Variants in TAGLN observed in about 807,000 individuals in gnomAD.
TAGLN encodes the protein 22 kDa actin-binding protein.
Under a neutral mutation model 21.9 loss-of-function variants are expected in TAGLN, and 16 were observed. That is an observed-to-expected ratio of 0.73 (90% CI 0.49 to 1.11). The LOEUF is 1.11. TAGLN is among the 50% of genes least tolerant of loss of function. The probability of loss-of-function intolerance (pLI) is 0.00; values close to 1 mark genes in which losing one functional copy is unlikely to be tolerated. For synonymous variants in TAGLN, 96 were observed against 94.9 expected (o/e 1.01, Z -0.06); for missense variants, 248 against 263.2 (o/e 0.94, Z 0.40).
chr11:117,203,218 G>A lies in TAGLN; in HGVS notation c.180+25G>A, dbSNP rs774295976. 19 of 1,591,568 alleles carry A rather than the reference G, an allele frequency of 1.2e-5. No homozygotes were observed. Among genetic ancestry groups the A allele is most frequent in the Non-Finnish European group, 1.5e-5 (18 of 1,165,508 alleles). ...GGTGAGTGGCACCCTGGGCTAGGGC[G>A]CTGGGGGGCTGGGGTGTGCCACCCT... On this transcript the variant is annotated intron_variant, in intron 2 of 4. Coordinates refer to ENST00000392951, the MANE Select transcript of TAGLN (RefSeq NM_003186.5). The surrounding 1 kb of genome is among the most constrained non-coding windows in gnomAD (Gnocchi z 4.4).
At position 117,204,557 on chromosome 11, in the gene TAGLN, G is replaced by A. The variant is rs904435289; in HGVS notation, c.*198G>A. On this transcript the variant is annotated 3_prime_UTR_variant, in exon 5 of 5. Transcript: ENST00000392951. ...CCTCAGCCCAACTTCTTACCCGAAA[G>A]CATCACTGCCTTGGCCCCTCCCTCC... 6 of 804,070 alleles carry A rather than the reference G, an allele frequency of 7.5e-6. No homozygotes were observed. Among genetic ancestry groups the A allele is most frequent in the Non-Finnish European group, 1.2e-5 (6 of 485,182 alleles). 49.8% of individuals were successfully genotyped at this position (804,070 alleles called of 1,614,324 possible). A position where few individuals can be genotyped will look rare whatever the true frequency, so the allele number is the denominator to read the frequency against.
chr11:117,203,840 C>G lies in TAGLN; in HGVS notation c.417C>G (p.Thr139=), dbSNP rs1565295565. The change falls in exon 4 of 5, where the codon ACC becomes ACG. Residue 139 remains threonine (T), a synonymous_variant. Coordinates refer to ENST00000392951, the MANE Select transcript of TAGLN (RefSeq NM_003186.5). The surrounding 1 kb of genome is among the most constrained non-coding windows in gnomAD (Gnocchi z 4.4). The stretch of plus-strand genomic sequence containing the variant: ...TGGCTTTGGGCAGCTTGGCAGTGAC[C>G]AAGAATGATGGGCACTACCGTGGAG... ...TLMALGSLAV[T]KNDGHYRGDP... 4 of 1,614,040 alleles carry G rather than the reference C, an allele frequency of 2.5e-6. No individual in the cohort carries two copies. The highest frequency in any genetic ancestry group is 4.5e-5 in the East Asian group (2 of 44,874).
Position 117,207,362 on chromosome 11 carries a change from T to C in TAGLN, c.*3003T>C. ...AGGGATGGAAAGGGTTGAAAGGCTGTACTCCAAAGCAGAGTCTTGCTTTTC... is the reference window on the plus strand; with the variant it reads ...AGGGATGGAAAGGGTTGAAAGGCTGCACTCCAAAGCAGAGTCTTGCTTTTC... On this transcript the variant is annotated 3_prime_UTR_variant, in exon 5 of 5. Coordinates refer to ENST00000392951, the MANE Select transcript of TAGLN (RefSeq NM_003186.5). 2.0e-6 allele frequency: 1 copy of C among 489,900 alleles called. No homozygotes were observed. Among genetic ancestry groups the C allele is most frequent in the Non-Finnish European group, 3.6e-6 (1 of 277,456 alleles). 30.3% of individuals were successfully genotyped at this position (489,900 alleles called of 1,614,324 possible).
intron 1 of TAGLN, chr11:117,202,232 C>T (rs2031127576): frequency 1.3e-5 from 2 of 152,238 alleles, no homozygotes; most frequent in African/African-American, 2.4e-5. Flanking sequence ...ATGGGTAGAC[C>T]AGGTGTCTCT....
chr11:117,202,095 G>A lies in TAGLN; in HGVS notation c.-12-907G>A, dbSNP rs560590797. 3.3e-5 allele frequency: 5 copies of A among 152,512 alleles called. No homozygotes were observed. The South Asian group carries it at 1.0e-3, about 32-fold the overall frequency. 9.4% of individuals were successfully genotyped at this position (152,512 alleles called of 1,614,324 possible). ...GGGTGGCAGTTGCTGGATGGGGCCA[G>A]GCTTCCCATTCCCTGGCAGGCAGAC... On this transcript the variant is annotated intron_variant, in intron 1 of 4. Transcript: ENST00000392951.
At position 117,204,085 on chromosome 11, in the gene TAGLN, A is replaced by T. The variant is rs760090961; in HGVS notation, c.462-130A>T. On this transcript the variant is annotated intron_variant, in intron 4 of 4. Coordinates refer to ENST00000392951, the MANE Select transcript of TAGLN (RefSeq NM_003186.5). ...GCTCAGTCTCCCTAGCCTATGAGGC[A>T]AGCTAGATTAGGGAAAAAAAGTGCA... 83 of 1,393,846 alleles carry T rather than the reference A, an allele frequency of 6.0e-5. No homozygotes were observed. In the Admixed American group the frequency reaches 7.6e-4, roughly 13 times the overall value. The allele number at this position is 1,393,846 out of a possible 1,614,324, so 86.3% of individuals were successfully genotyped here.
At position 117,203,444 on chromosome 11, in the gene TAGLN, C is replaced by T. The variant is rs373440137; in HGVS notation, c.318C>T (p.Val106=). The stretch of plus-strand genomic sequence containing the variant: ...TGAAGGCGGCTGAGGACTATGGGGT[C>T]ATCAAGACTGACATGTTCCAGACTG... ...QFLKAAEDYG[V]IKTDMFQTVD... The change falls in exon 3 of 5, where the codon GTC becomes GTT. Residue 106 remains valine, a synonymous_variant. Coordinates refer to ENST00000392951, the MANE Select transcript of TAGLN (RefSeq NM_003186.5). The surrounding 1 kb of genome is among the most constrained non-coding windows in gnomAD (Gnocchi z 4.4). 6 of 1,613,994 alleles carry T rather than the reference C, an allele frequency of 3.7e-6. No homozygotes were observed. Among genetic ancestry groups the T allele is most frequent in the Non-Finnish European group, 5.1e-6 (6 of 1,180,034 alleles).
chr11:117,200,567 C>G (rs535481541), intron 1 of TAGLN, among the ~76,000 whole-genome samples: 1 of 152,158 alleles, frequency 6.6e-6, no homozygotes, highest in Non-Finnish European at 1.5e-5. Context: ...ACTCGGGAGG[C>G]TTCATCAGAG....
chr11:117,202,022 C>T lies in TAGLN; in HGVS notation c.-12-980C>T, dbSNP rs896226405. On this transcript the variant is annotated intron_variant, in intron 1 of 4. Coordinates refer to ENST00000392951, the MANE Select transcript of TAGLN (RefSeq NM_003186.5). The stretch of plus-strand genomic sequence containing the variant: ...CTGCCTGGCCCACTCCTGCTGCCAC[C>T]CCTCTCCATGAGTGGGACTCCTGAG... 3 of 152,394 alleles carry T rather than the reference C, an allele frequency of 2.0e-5. No homozygotes were observed. In the East Asian group the frequency reaches 5.8e-4, roughly 29 times the overall value. The allele number at this position is 152,394 out of a possible 1,614,324, so 9.4% of individuals were successfully genotyped here. A position where few individuals can be genotyped will look rare whatever the true frequency, so the allele number is the denominator to read the frequency against.
At position 117,206,215 on chromosome 11, in the gene TAGLN, T is replaced by C. The variant is rs570800833; in HGVS notation, c.*1856T>C. ...GATTCTAGCTCTGTCCCTTCCTCCTTGGCTTTCCGGCTCCGATGGGGCCAG... is the reference window on the plus strand; with the variant it reads ...GATTCTAGCTCTGTCCCTTCCTCCTCGGCTTTCCGGCTCCGATGGGGCCAG... On this transcript the variant is annotated 3_prime_UTR_variant, in exon 5 of 5. Coordinates refer to ENST00000392951, the MANE Select transcript of TAGLN (RefSeq NM_003186.5). 9.3e-6 allele frequency: 15 copies of C among 1,614,120 alleles called. No individual in the cohort carries two copies. The highest frequency in any genetic ancestry group is 1.3e-5 in the Non-Finnish European group (15 of 1,179,990).
At chr11:117,201,084 G>C (rs949408471) in intron 1 of TAGLN, 4 of 152,498 alleles carry the variant, frequency 2.6e-5, no homozygotes, top group African/African-American at 9.6e-5. Context: ...GTTGGGGAGC[G>C]GGGGTGGGAC....
Position 117,207,206 on chromosome 11 carries a change from C to T in TAGLN, c.*2847C>T, listed in dbSNP as rs757571452. On this transcript the variant is annotated 3_prime_UTR_variant, in exon 5 of 5. Coordinates refer to ENST00000392951, the MANE Select transcript of TAGLN (RefSeq NM_003186.5). ...TCGTGAGCCACGCCCCTCTGTCAGC[C>T]ATGCCAGACAGCAGAGGCCCTGCCC... 4 of 828,828 alleles carry T rather than the reference C, an allele frequency of 4.8e-6. No homozygotes were observed. In the Admixed American group the frequency reaches 7.2e-5, roughly 15 times the overall value. The allele number at this position is 828,828 out of a possible 1,614,324, so 51.3% of individuals were successfully genotyped here.
rs369308744 is a variant in TAGLN, at chr11:117,203,366, C to T, written c.240C>T (p.Pro80=). The change falls in exon 3 of 5, where the codon CCC becomes CCT. Residue 80 remains proline, a synonymous_variant. Transcript: ENST00000392951. The surrounding 1 kb of genome is among the most constrained non-coding windows in gnomAD (Gnocchi z 4.4). ...ATGGCTCCAAGCCGGTGAAGGTGCCCGAGAACCCACCCTCCATGGTCTTCA... is the reference window on the plus strand; with the variant it reads ...ATGGCTCCAAGCCGGTGAAGGTGCCTGAGAACCCACCCTCCATGGTCTTCA... The part of the protein sequence containing the change: ...YPDGSKPVKV[P]ENPPSMVFKQ... The T allele has an allele frequency of 6.3e-5, 101 of 1,614,042 alleles. No homozygotes were observed. Among genetic ancestry groups the T allele is most frequent in the South Asian group, 5.6e-4 (51 of 91,082 alleles).
chr11:117,204,652 T>G lies in TAGLN; in HGVS notation c.*293T>G. ...GGGGAGAAGCGGGCTGGGGGTAGCC[T>G]GGATGTGGGCCAAGTCCACTGTCCT... On this transcript the variant is annotated 3_prime_UTR_variant, in exon 5 of 5. Transcript: ENST00000392951. The G allele has an allele frequency of 2.0e-6, 1 of 495,154 alleles. No individual in the cohort carries two copies. The highest frequency in any genetic ancestry group is 1.9e-5 in the South Asian group (1 of 51,398). 30.7% of individuals were successfully genotyped at this position (495,154 alleles called of 1,614,324 possible).
intron 1 of TAGLN, 135 bp from the exon 2 acceptor site, chr11:117,202,866 TG>T: frequency 2.8e-6 from 2 of 703,740 alleles, no homozygotes; most frequent in Non-Finnish European, 4.4e-6. Context: ...GAGCCTGGCC[TG>T]GATGGGCAGT....
Position 117,203,735 on chromosome 11 carries a change from G to A in TAGLN, c.359-47G>A. The stretch of plus-strand genomic sequence containing the variant: ...GGGGCAGGCCCTGGCTTGGAGTCTT[G>A]TTTATACGTTCTTGATGTTCATCTC... On this transcript the variant is annotated intron_variant, in intron 3 of 4. Coordinates refer to ENST00000392951, the MANE Select transcript of TAGLN (RefSeq NM_003186.5). The surrounding 1 kb of genome is among the most constrained non-coding windows in gnomAD (Gnocchi z 4.4). 6.3e-7 allele frequency: 1 copy of A among 1,583,568 alleles called. No individual in the cohort carries two copies. Among genetic ancestry groups the A allele is most frequent in the Admixed American group, 1.7e-5 (1 of 59,806 alleles).
chr11:117,203,868 C>T lies in TAGLN; in HGVS notation c.445C>T (p.Pro149Ser). The change falls in exon 4 of 5, where the codon CCC (proline) becomes TCC (serine). Residue 149 changes from proline (P) to serine (S), a missense_variant. Transcript: ENST00000392951. This position sits in a 1 kb window ranked among gnomAD's most constrained non-coding sequence, Gnocchi z 4.4. Reference protein sequence around the residue: ...TKNDGHYRGDPNWFMKKAQEH... With the variant: ...TKNDGHYRGDSNWFMKKAQEH... ...GAATGATGGGCACTACCGTGGAGAT[C>T]CCAACTGGTTTATGAAGTATGTGGC... 1 of 1,614,012 alleles carries T rather than the reference C, an allele frequency of 6.2e-7. No individual in the cohort carries two copies. The highest frequency in any genetic ancestry group is 8.5e-7 in the Non-Finnish European group (1 of 1,179,958).
intron 1 of TAGLN, chr11:117,199,811 CAGG>C (rs1768641041): frequency 8.1e-6 from 1 of 123,602 alleles, no homozygotes; most frequent in African/African-American, 2.7e-5. Flanking sequence ...GTTGCCCCTC[CAGG>C]AGAACTTCCA....
rs1468277767 is a variant in TAGLN at position 117,199,843 on chromosome 11, G to A, written c.-13+411G>A. On this transcript the variant is annotated intron_variant, in intron 1 of 4. Transcript: ENST00000392951. ...ACTTCCAAGGAGGTGAGGAGTGTGT[G>A]AACGCACCTGTGTTGGAGCACGGTG... The A allele has an allele frequency of 2.0e-5, 3 of 152,340 alleles. No individual in the cohort carries two copies. In the East Asian group the frequency reaches 5.8e-4, roughly 29 times the overall value. 9.4% of individuals were successfully genotyped at this position (152,340 alleles called of 1,614,324 possible). A position where few individuals can be genotyped will look rare whatever the true frequency, so the allele number is the denominator to read the frequency against.
Sources: allele counts gnomAD v4.1 joint callset (sites outside exome capture counted in the v4.1 genomes callset), GRCh38; gene constraint gnomAD v4.1.1; non-coding constraint Gnocchi (gnomAD v3.1); transcripts MANE v1.5; gene names NCBI Gene and HGNC (gene_info 2026-07-23, HGNC 2026-07-21).